The following HACL1 variants were observed in gnomAD, a reference collection of about 807,000 sequenced individuals.
HACL1 encodes the protein 2-hydroxyacyl-CoA lyase 1, also known as 1600020H07Rik.
A neutral mutation model predicts 74.2 loss-of-function variants in HACL1; 64 were observed. That is an observed-to-expected ratio of 0.86 (90% confidence interval 0.70 to 1.06). The LOEUF (loss-of-function observed/expected upper bound fraction) is 1.06. Ranked by LOEUF, HACL1 falls within the 50% of genes least tolerant of loss-of-function variation. HACL1 has a pLI of 0.00. For missense variants in HACL1, 728 were observed against 719.7 expected (o/e 1.01, Z -0.13); for synonymous variants, 230 against 238.8 (o/e 0.96, Z 0.34).
At chr3:15,579,791 G>T (rs989995943) in intron 9 of HACL1, 119 bp downstream of exon 9, 4 of 706,578 alleles carry the variant, frequency 5.7e-6, no homozygotes, top group Non-Finnish European at 9.5e-6. Context: ...AAAATAAACA[G>T]GTATGCTTAA....
intron 3 of HACL1, among the ~76,000 whole-genome samples, chr3:15,594,601 A>G (rs1444269650): frequency 6.6e-6 from 1 of 152,232 alleles, no homozygotes; most frequent in Non-Finnish European, 1.5e-5. Context: ...GAACAGTACT[A>G]TCCAACAGAA....
chr3:15,583,069 T>A, intron 7 of HACL1, 80 bp from the exon 8 acceptor site: 1 of 669,858 alleles, frequency 1.5e-6, no homozygotes, highest in South Asian at 1.8e-5. Context: ...TATAGAAAGG[T>A]AGAAAAAATA....
intron 11 of HACL1, among the ~76,000 whole-genome samples, chr3:15,572,359 G>T (rs941418255): frequency 6.6e-6 from 1 of 152,094 alleles, no homozygotes. Flanking sequence ...AACATGGAAG[G>T]CTTTTGTTTG....
chr3:15,560,750 T>C lies in HACL1; in HGVS notation c.*115A>G. On this transcript the variant is annotated 3_prime_UTR_variant, in exon 17 of 17. Coordinates refer to ENST00000321169, the MANE Select transcript of HACL1 (RefSeq NM_012260.4). Reference sequence around the variant, plus strand: ...CAATTCCTTTACTGTAAAATGTCATTTTAAATGTTTATTTTATTTTGCACA... The same window carrying C: ...CAATTCCTTTACTGTAAAATGTCATCTTAAATGTTTATTTTATTTTGCACA... 1 of 755,622 alleles carries C rather than the reference T, an allele frequency of 1.3e-6. No individual in the cohort carries two copies. Among genetic ancestry groups the C allele is most frequent in the Non-Finnish European group, 2.3e-6 (1 of 433,798 alleles). 46.8% of individuals were successfully genotyped at this position (755,622 alleles called of 1,614,324 possible).
chr3:15,577,867 G>A (rs879777220), intron 9 of HACL1, among the ~76,000 whole-genome samples: 8 of 151,950 alleles, frequency 5.3e-5, no homozygotes, highest in Non-Finnish European at 1.2e-4. Context: ...GGGAGGCTGA[G>A]GCGGGCGGAT....
At chr3:15,576,923 C>T (rs928503607) in intron 9 of HACL1, among the ~76,000 whole-genome samples, 4 of 152,078 alleles carry the variant, frequency 2.6e-5, no homozygotes, top group Admixed American at 6.5e-5. Context: ...ATCAGCAGGA[C>T]GGACTTGCTT....
chr3:15,571,785 ACACACACAC>A lies in HACL1; in HGVS notation c.994-25_994-17del. The A allele has an allele frequency of 1.2e-6, 1 of 843,604 alleles. No individual in the cohort carries two copies. The highest frequency in any genetic ancestry group is 1.9e-6 in the Non-Finnish European group (1 of 530,254). The allele number at this position is 843,604 out of a possible 1,614,324, so 52.3% of individuals were successfully genotyped here. On this transcript the variant is annotated splice_polypyrimidine_tract_variant and intron_variant, in intron 11 of 16. Transcript: ENST00000321169. The stretch of plus-strand genomic sequence containing the variant: ...CCTCTAAAAGCTTAAAAAAAAAAAA[ACACACACAC>A]ACAAACACATAAACTTTTTCTTTGC...
chr3:15,600,509 G>C (rs1574956439), intron 2 of HACL1, among the ~76,000 whole-genome samples: 1 of 152,332 alleles, frequency 6.6e-6, no homozygotes, highest in South Asian at 2.1e-4. Flanking sequence ...TCTAAGAAAG[G>C]TGGCAGCATG....
intron 10 of HACL1, 146 bp downstream of exon 10, chr3:15,574,831 T>C (rs1164007331): frequency 8.3e-6 from 4 of 480,916 alleles, no homozygotes; most frequent in African/African-American, 7.7e-5. Context: ...CCTATAATTA[T>C]GTTAGACAAT....
At position 15,568,433 on chromosome 3, in the gene HACL1, T is replaced by C. The variant is rs2063471215; in HGVS notation, c.1249A>G (p.Arg417Gly). ...TTCTTTCTTCTTTAGAAGTCTTACC[T>C]GTGACGAGGAAGGTAGTTCTGAAGC... Reference protein sequence around the residue: ...TVLQNYLPRHRLDAGTFGTMG... With the variant: ...TVLQNYLPRHGLDAGTFGTMG... Residue 417 changes from arginine to glycine, a missense_variant and splice_region_variant, in exon 13 of 17, where the codon AGG becomes GGG. Coordinates refer to ENST00000321169, the MANE Select transcript of HACL1 (RefSeq NM_012260.4). 6.4e-7 allele frequency: 1 copy of C among 1,572,918 alleles called. No individual in the cohort carries two copies. Among genetic ancestry groups the C allele is most frequent in the Non-Finnish European group, 8.7e-7 (1 of 1,154,720 alleles).
At chr3:15,580,066 T>C (rs377565028) in intron 8 of HACL1, 21 bp from the exon 9 acceptor site, 186 of 1,604,130 alleles carry the variant, frequency 1.2e-4, no homozygotes, top group African/African-American at 7.9e-4. Flanking sequence ...TGCAAATGTA[T>C]TGGACAATTC....
chr3:15,573,060 A>G (rs565559139), intron 11 of HACL1, 99 bp downstream of exon 11: 53 of 728,902 alleles, frequency 7.3e-5, no homozygotes, highest in Middle Eastern at 2.4e-4. Context: ...ACAGATATGA[A>G]TAGTAGACCC....
chr3:15,590,790 GTT>G (rs1231978581), intron 4 of HACL1, among the ~76,000 whole-genome samples: 1 of 152,170 alleles, frequency 6.6e-6, no homozygotes, highest in African/African-American at 2.4e-5. Flanking sequence ...TGTTAAAAGT[GTT>G]TATGGCAGCT....
chr3:15,586,468 G>C (rs1280189354), intron 6 of HACL1, 57 bp downstream of exon 6: 8 of 881,224 alleles, frequency 9.1e-6, no homozygotes, highest in South Asian at 1.4e-5. Flanking sequence ...ATAACAGTAA[G>C]TATGAGCAAC....
chr3:15,566,613 G>A (rs745702747), intron 14 of HACL1, among the ~76,000 whole-genome samples: 1 of 151,860 alleles, frequency 6.6e-6, no homozygotes, highest in Non-Finnish European at 1.5e-5. Flanking sequence ...CCGCAGTTGC[G>A]CCATTCCACT....
chr3:15,597,792 TAGG>T (rs1371036915), intron 2 of HACL1, among the ~76,000 whole-genome samples: 6 of 151,970 alleles, frequency 3.9e-5, no homozygotes, highest in Admixed American at 3.3e-4. Context: ...AAATTCACAT[TAGG>T]AGAATAAGAC....
At chr3:15,590,727 A>C (rs1421798855) in intron 4 of HACL1, among the ~76,000 whole-genome samples, 4 of 152,234 alleles carry the variant, frequency 2.6e-5, no homozygotes, top group African/African-American at 9.6e-5. Flanking sequence ...ACTTAAAGTA[A>C]ATAGAACTAC....
At chr3:15,571,555 T>C (rs901356795) in intron 12 of HACL1, 113 bp downstream of exon 12, 2 of 723,830 alleles carry the variant, frequency 2.8e-6, no homozygotes, top group Non-Finnish European at 5.0e-6. Context: ...GGGTTTTCAC[T>C]GCACAATTTT....
chr3:15,599,939 T>C (rs62243585), intron 2 of HACL1, among the ~76,000 whole-genome samples: 5,700 of 152,330 alleles, frequency 0.037, 172 homozygotes, highest in Non-Finnish European at 0.057. Flanking sequence ...CATAGGTCAA[T>C]AGCTTCATTT....
Sources: gnomAD v4.1 joint callset for allele counts (sites outside exome capture counted in the v4.1 genomes callset) on GRCh38, gnomAD v4.1.1 for gene constraint, MANE v1.5 for transcripts, NCBI Gene and HGNC (gene_info 2026-07-23, HGNC 2026-07-21) for gene names.